Variants in DIAPH2 observed in about 807,000 individuals in gnomAD.
DIAPH2 encodes diaphanous related formin 2.
Under a neutral mutation model 92.7 loss-of-function variants are expected in DIAPH2, and 35 were observed. That is an observed-to-expected ratio of 0.38 (90% CI 0.29 to 0.50). The LOEUF (loss-of-function observed/expected upper bound fraction) is 0.50, where lower values mean the gene tolerates loss of function less well. Ranked by LOEUF, DIAPH2 falls within the 20% of genes least tolerant of loss-of-function variation. DIAPH2 has a pLI of 0.94. For synonymous variants in DIAPH2, 301 were observed against 280.4 expected (o/e 1.07, Z -0.73); for missense variants, 701 against 819.5 (o/e 0.86, Z 1.77).
intron 26 of DIAPH2, among the ~76,000 whole-genome samples, chrX:97,496,718 A>G (rs1237026995): frequency 1.1e-5 from 1 of 92,024 alleles, no homozygotes; most frequent in Non-Finnish European, 2.1e-5. Flanking sequence ...GGAGTGCCAT[A>G]GCACTCACCA....
At chrX:97,455,612 T>C (rs2070397310) in intron 26 of DIAPH2, among the ~76,000 whole-genome samples, 1 of 112,434 alleles carries the variant, frequency 8.9e-6, no homozygotes, top group African/African-American at 3.2e-5. Flanking sequence ...ATCTCCCTGT[T>C]GGTAGTATTA....
chrX:97,329,703 G>T (rs1220642215), intron 23 of DIAPH2, among the ~76,000 whole-genome samples: 1 of 110,874 alleles, frequency 9.0e-6, no homozygotes, highest in Non-Finnish European at 1.9e-5. Flanking sequence ...CTCCACTTAT[G>T]GTTGGCTCAA....
intron 23 of DIAPH2, among the ~76,000 whole-genome samples, chrX:97,296,905 G>A (rs1313669123): frequency 3.7e-5 from 4 of 108,790 alleles, no homozygotes; most frequent in African/African-American, 1.3e-4. Context: ...AGGCTCCCAA[G>A]TAGCTGGGAT....
At chrX:97,243,210 A>T (rs1328736986) in intron 22 of DIAPH2, among the ~76,000 whole-genome samples, 1 of 109,981 alleles carries the variant, frequency 9.1e-6, no homozygotes, top group Non-Finnish European at 1.9e-5. Context: ...GACGGAGACA[A>T]CCTGAGACAC....
intron 4 of DIAPH2, among the ~76,000 whole-genome samples, chrX:96,804,164 A>G (rs960083860): frequency 9.0e-6 from 1 of 111,339 alleles, no homozygotes; most frequent in Non-Finnish European, 1.9e-5. Flanking sequence ...CTCCTATTAA[A>G]ATTTGCCTGG....
intron 23 of DIAPH2, among the ~76,000 whole-genome samples, chrX:97,320,444 T>C (rs1256722779): frequency 9.0e-6 from 1 of 110,914 alleles, no homozygotes; most frequent in Non-Finnish European, 1.9e-5. Flanking sequence ...CCAGGCGCGG[T>C]AGCTCTTGGC....
intron 16 of DIAPH2, among the ~76,000 whole-genome samples, chrX:96,964,710 C>T (rs1468230137): frequency 9.0e-6 from 1 of 111,560 alleles, no homozygotes; most frequent in Non-Finnish European, 1.9e-5. Context: ...ATTATGGTTG[C>T]TACCTTAAAC....
At chrX:96,930,878 A>C in intron 10 of DIAPH2, 35 bp downstream of exon 10, 1 of 1,130,620 alleles carries the variant, frequency 8.8e-7, no homozygotes, top group African/African-American at 1.9e-5. Flanking sequence ...ATGCTGATGA[A>C]TTTTAAAATT....
intron 25 of DIAPH2, among the ~76,000 whole-genome samples, chrX:97,395,749 T>G (rs1457413958): frequency 8.9e-6 from 1 of 112,472 alleles, no homozygotes; most frequent in Non-Finnish European, 1.9e-5. Flanking sequence ...AATATTCTTT[T>G]AAATGAGAGA....
At chrX:97,268,219 T>C (rs192979683) in intron 23 of DIAPH2, among the ~76,000 whole-genome samples, 34 of 112,871 alleles carry the variant, frequency 3.0e-4, no homozygotes, top group African/African-American at 9.3e-4. Flanking sequence ...TATTAATTTG[T>C]AAAGTGAAAC....
At chrX:96,975,877 C>T (rs1206527453) in intron 17 of DIAPH2, among the ~76,000 whole-genome samples, 2 of 111,157 alleles carry the variant, frequency 1.8e-5, no homozygotes. Flanking sequence ...TCTCATAGGC[C>T]CCACCTCCTG....
Position 96,813,805 on chromosome X carries a change from A to G in DIAPH2, c.447+55547A>G, listed in dbSNP as rs1225246018. 3.6e-5 allele frequency among the ~76,000 whole-genome samples: 4 copies of G among 111,612 alleles called. No homozygotes were observed. In the East Asian group the frequency reaches 1.1e-3, roughly 31 times the overall value. ...TGAAGCTTAGTTCGGCTGGATATGA[A>G]ATTCTGGGTTGAAAATTCTTTTCTT... On this transcript the variant is annotated intron_variant, in intron 4 of 26. Coordinates refer to ENST00000324765, the MANE Select transcript of DIAPH2 (RefSeq NM_006729.5).
chrX:97,436,065 A>G (rs939173247), intron 26 of DIAPH2, among the ~76,000 whole-genome samples: 1 of 111,431 alleles, frequency 9.0e-6, no homozygotes, highest in South Asian at 3.8e-4. Context: ...TTGGCCTCCA[A>G]AAGTGCTGGG....
At chrX:97,451,420 G>C (rs1315838229) in intron 26 of DIAPH2, among the ~76,000 whole-genome samples, 2 of 111,369 alleles carry the variant, frequency 1.8e-5, no homozygotes, top group Non-Finnish European at 3.8e-5. Context: ...ATATTAGAAA[G>C]GGAAGCATTG....
intron 26 of DIAPH2, among the ~76,000 whole-genome samples, chrX:97,490,566 T>C (rs1388903154): frequency 9.1e-6 from 1 of 110,419 alleles, no homozygotes; most frequent in African/African-American, 3.3e-5. Context: ...CCTCTTAGAA[T>C]TGCTTTTGCT....
intron 26 of DIAPH2, among the ~76,000 whole-genome samples, chrX:97,450,405 G>C (rs1430906677): frequency 8.9e-6 from 1 of 111,901 alleles, no homozygotes; most frequent in Admixed American, 9.5e-5. Flanking sequence ...AGCTTGGTTA[G>C]TTTCTTTTAA....
At chrX:96,845,038 C>G (rs1310825575) in intron 4 of DIAPH2, among the ~76,000 whole-genome samples, 2 of 112,131 alleles carry the variant, frequency 1.8e-5, no homozygotes, top group Non-Finnish European at 3.8e-5. Flanking sequence ...TCTCACTTAT[C>G]CTGGAGGCAG....
chrX:97,000,303 T>C (rs1437232682), intron 17 of DIAPH2, among the ~76,000 whole-genome samples: 1 of 111,968 alleles, frequency 8.9e-6, no homozygotes, highest in East Asian at 2.8e-4. Context: ...TTCCCAATTG[T>C]CCACTTTCAA....
chrX:96,936,584 TG>T lies in DIAPH2; in HGVS notation c.1090-648del, dbSNP rs2065659380. Among the ~76,000 whole-genome samples the T allele has an allele frequency of 3.6e-5, 4 of 111,934 alleles. 1 individual carries two copies. In the South Asian group the frequency reaches 1.5e-3, roughly 41 times the overall value. On this transcript the variant is annotated intron_variant, in intron 10 of 26. Coordinates refer to ENST00000324765, the MANE Select transcript of DIAPH2 (RefSeq NM_006729.5). The stretch of plus-strand genomic sequence containing the variant: ...ATTATTATGAAAATTATCAGAGGTT[TG>T]TAATGCATGTGCTTATAATGTATTA...
Sources: gnomAD v4.1 joint callset for allele counts (sites outside exome capture counted in the v4.1 genomes callset) on GRCh38, gnomAD v4.1.1 for gene constraint, MANE v1.5 for transcripts, NCBI Gene and HGNC (gene_info 2026-07-23, HGNC 2026-07-21) for gene names.